The following ZNF540 variants were observed in gnomAD, a reference collection of about 807,000 sequenced individuals.
ZNF540 encodes the protein zinc finger protein 540.
In ZNF540, 3 loss-of-function variants were observed where a neutral mutation model predicts 11.8. The observed-to-expected ratio is 0.25, with a 90% confidence interval of 0.12 to 0.65. The LOEUF is 0.65. Among genes scored for constraint, ZNF540 ranks in the 30% least tolerant of loss-of-function variants. The pLI is 0.83. For synonymous variants in ZNF540, 247 were observed against 259.0 expected, an observed-to-expected ratio of 0.95 and a Z score of 0.45; for missense variants, 709 against 793.1, an observed-to-expected ratio of 0.89 and a Z score of 1.27.
intron 4 of ZNF540, among the ~76,000 whole-genome samples, chr19:37,603,054 C>T (rs893422376): frequency 6.7e-5 from 9 of 133,478 alleles, no homozygotes; most frequent in African/African-American, 2.6e-4. Context: ...GTTGCCTAGG[C>T]TGCAGTGCAA....
At chr19:37,571,047 C>A (rs569328096) in intron 1 of ZNF540, among the ~76,000 whole-genome samples, 5 of 152,248 alleles carry the variant, frequency 3.3e-5, no homozygotes, top group African/African-American at 1.2e-4. Context: ...TCTATTTGTT[C>A]ATACTAAACA....
chr19:37,612,081 T>TA lies in ZNF540; in HGVS notation c.807dup (p.Pro270ThrfsTer5), dbSNP rs763961757. The TA allele has an allele frequency of 5.0e-6, 8 of 1,611,734 alleles. No homozygotes were observed. The highest frequency in any genetic ancestry group is 1.1e-5 in the South Asian group (1 of 90,620). On this transcript the variant is annotated frameshift_variant, in exon 5 of 5. Transcript: ENST00000316433. LOFTEE classifies it low-confidence loss of function (END_TRUNC). ...ATCGACATCAGAAAATTCACACTGGTAAAAAACCCTATATGTGTAAGAAAT... is the reference window on the plus strand; with the variant it reads ...ATCGACATCAGAAAATTCACACTGGTAAAAAAACCCTATATGTGTAAGAAAT...
chr19:37,556,078 A>C (rs1326575276), intron 1 of ZNF540: 1 of 702,598 alleles, frequency 1.4e-6, no homozygotes, highest in Non-Finnish European at 2.6e-6. Context: ...TGGCTCCTGG[A>C]GTGTCCAAAT....
intron 1 of ZNF540, among the ~76,000 whole-genome samples, chr19:37,573,129 C>A (rs2043123616): frequency 7.1e-6 from 1 of 141,606 alleles, no homozygotes; most frequent in East Asian, 1.9e-4. Flanking sequence ...CCAACCTCTT[C>A]CAACTCTTTT....
chr19:37,613,622 T>G lies in ZNF540; in HGVS notation c.*359T>G, dbSNP rs1380560841. ...AACATGTATAATACAGCAACAACTA[T>G]CTGGCCCAAACTGCTTTGGATTAAT... On this transcript the variant is annotated 3_prime_UTR_variant, in exon 5 of 5. Transcript: ENST00000316433. 7.6e-6 allele frequency: 3 copies of G among 396,416 alleles called. No homozygotes were observed. Among genetic ancestry groups the G allele is most frequent in the Non-Finnish European group, 1.3e-5 (3 of 225,316 alleles). 24.6% of individuals were successfully genotyped at this position (396,416 alleles called of 1,614,324 possible).
intron 2 of ZNF540, among the ~76,000 whole-genome samples, chr19:37,598,965 T>C (rs1389928756): frequency 3.9e-5 from 6 of 152,182 alleles, no homozygotes; most frequent in Non-Finnish European, 1.5e-5. Context: ...GACATCAGTA[T>C]GATTCTGGTT....
chr19:37,608,687 C>G (rs999922651), intron 4 of ZNF540, among the ~76,000 whole-genome samples: 6 of 152,150 alleles, frequency 3.9e-5, no homozygotes, highest in African/African-American at 1.4e-4. Context: ...AGAATTAGGT[C>G]TCAGTCTTTC....
chr19:37,566,016 A>G (rs140559419), intron 1 of ZNF540: 6 of 1,613,894 alleles, frequency 3.7e-6, no homozygotes, highest in Non-Finnish European at 5.1e-6. Context: ...CATTTGTACA[A>G]TTTTTCCTTG....
At chr19:37,594,617 T>A (rs1423117399), upstream of ZNF540, 1 of 152,224 alleles carries the variant, frequency 6.6e-6, no homozygotes, top group Non-Finnish European at 1.5e-5. Context: ...CAGAGCACCG[T>A]CCCGTTCCTG....
upstream of ZNF540, among the ~76,000 whole-genome samples, chr19:37,592,952 C>A (rs536777023): frequency 4.6e-5 from 7 of 152,238 alleles, no homozygotes; most frequent in African/African-American, 1.7e-4. Context: ...GTTTGGCCAC[C>A]AAATGCAATG....
At chr19:37,563,468 T>C (rs1180064855) in intron 1 of ZNF540, 1 of 152,162 alleles carries the variant, frequency 6.6e-6, no homozygotes, top group Non-Finnish European at 1.5e-5. Flanking sequence ...TGGTAAATTT[T>C]GTTTATATTT....
chr19:37,576,977 C>T (rs1279990553), intron 1 of ZNF540, among the ~76,000 whole-genome samples: 1 of 152,090 alleles, frequency 6.6e-6, no homozygotes, highest in Non-Finnish European at 1.5e-5. Flanking sequence ...CTATACACCG[C>T]CATCTTCTGC....
chr19:37,610,530 A>G (rs2147234203), intron 4 of ZNF540, among the ~76,000 whole-genome samples: 1 of 152,356 alleles, frequency 6.6e-6, no homozygotes, highest in East Asian at 1.9e-4. Context: ...TGTAAGAGAT[A>G]TTTAACCAAC....
intron 2 of ZNF540, 126 bp downstream of exon 2, chr19:37,598,582 C>A (rs1213754077): frequency 1.0e-6 from 1 of 954,030 alleles, no homozygotes; most frequent in South Asian, 1.5e-5. Context: ...AAGCTCCTCC[C>A]ATGGGCCCCC....
rs545948833 is a variant in ZNF540, at chr19:37,612,110, A to G, written c.830A>G (p.Asp277Gly). 7.7e-5 allele frequency: 124 copies of G among 1,611,706 alleles called. No homozygotes were observed. Among genetic ancestry groups the G allele is most frequent in the Non-Finnish European group, 9.2e-5 (109 of 1,179,642 alleles). The change falls in exon 5 of 5, where the codon GAT becomes GGT. Residue 277 changes from aspartate (D) to glycine (G), a missense_variant. Coordinates refer to ENST00000316433, the MANE Select transcript of ZNF540 (RefSeq NM_001172225.3). Reference protein sequence around the residue: ...GKKPYMCKKCDKGFFSRLELT... With the variant: ...GKKPYMCKKCGKGFFSRLELT... ...AAACCCTATATGTGTAAGAAATGTG[A>G]TAAGGGTTTTTTTAGTAGATTAGAA...
At chr19:37,581,789 GA>G (rs35272779) in intron 1 of ZNF540, among the ~76,000 whole-genome samples, 166 of 147,576 alleles carry the variant, frequency 1.1e-3, no homozygotes, top group African/African-American at 3.7e-3. Flanking sequence ...ATTCTCCTGT[GA>G]AAAAAAAACA....
intron 1 of ZNF540, among the ~76,000 whole-genome samples, chr19:37,575,985 C>A (rs1177383213): frequency 6.6e-6 from 1 of 151,884 alleles, no homozygotes; most frequent in Admixed American, 6.6e-5. Flanking sequence ...TTTATTCTTG[C>A]CAAACTTCAA....
chr19:37,586,995 C>A lies in ZNF540; in HGVS notation c.-72-11381C>A, dbSNP rs570623708. On this transcript the variant is annotated intron_variant, in intron 1 of 4. Transcript: ENST00000592533. ...TCTTCCACAGTAGAACAGAGGCATG[C>A]CCAGGGAGCCCCCCACCATCCTCCT... 1.3e-5 allele frequency: 4 copies of A among 317,500 alleles called. No individual in the cohort carries two copies. The South Asian group carries it at 2.7e-4, about 22-fold the overall frequency. 19.7% of individuals were successfully genotyped at this position (317,500 alleles called of 1,614,324 possible).
chr19:37,592,041 C>T (rs530009719), upstream of ZNF540, among the ~76,000 whole-genome samples: 91 of 151,836 alleles, frequency 6.0e-4, no homozygotes, highest in Middle Eastern at 3.4e-3. Flanking sequence ...GTGGATTACT[C>T]GAGGTCAGGA....
Sources: allele counts gnomAD v4.1 joint callset (sites outside exome capture counted in the v4.1 genomes callset), GRCh38; gene constraint gnomAD v4.1.1; transcripts MANE v1.5; gene names NCBI Gene and HGNC (gene_info 2026-07-23, HGNC 2026-07-21).